Variants in C12orf42 observed in about 807,000 individuals in gnomAD.
The protein encoded by C12orf42 is uncharacterized protein C12orf42.
C12orf42 carries 25 observed loss-of-function variants against 21.6 expected under a neutral mutation model. That is an observed-to-expected ratio of 1.16 (90% CI 0.84 to 1.62). The LOEUF (loss-of-function observed/expected upper bound fraction) is 1.62. Among genes scored for constraint, C12orf42 ranks in the 40% most tolerant of loss-of-function variants. The pLI is 0.00. For missense variants in C12orf42, 483 were observed against 459.3 expected (o/e 1.05, Z -0.47); for synonymous variants, 174 against 175.0 (o/e 0.99, Z 0.05).
intron 2 of C12orf42, among the ~76,000 whole-genome samples, chr12:103,434,876 G>A (rs1292094926): frequency 2.0e-5 from 3 of 152,358 alleles, no homozygotes; most frequent in Admixed American, 2.0e-4. Flanking sequence ...CAGCCGGGAA[G>A]CTCGAACTGG....
the C12orf42 span, chr12:103,162,758 A>G: frequency 2.6e-5 from 4 of 152,288 alleles, no homozygotes; most frequent in South Asian, 8.3e-4. Context: ...ATATTGAACC[A>G]CCATTCCAGA....
intron 1 of C12orf42, among the ~76,000 whole-genome samples, chr12:103,486,947 T>C (rs1198876357): frequency 2.6e-5 from 4 of 152,242 alleles, no homozygotes; most frequent in Admixed American, 6.5e-5. Context: ...TTTTTGTGTC[T>C]CTATCTCATT....
At chr12:103,182,727 T>C in the C12orf42 span, among the ~76,000 whole-genome samples, 6 of 152,234 alleles carry the variant, frequency 3.9e-5, no homozygotes, top group African/African-American at 1.4e-4. Flanking sequence ...AAAAACACTC[T>C]AGAGCTTTTA....
the C12orf42 span, among the ~76,000 whole-genome samples, chr12:103,205,541 T>C: frequency 2.6e-5 from 4 of 152,314 alleles, no homozygotes; most frequent in Non-Finnish European, 5.9e-5. Flanking sequence ...GTAGGGATTA[T>C]GGGAGCTACA....
chr12:103,364,272 A>T (rs7132491), intron 4 of C12orf42, among the ~76,000 whole-genome samples: 13,049 of 152,144 alleles, frequency 0.086, 573 homozygotes, highest in East Asian at 0.2. Context: ...AATCGATAGA[A>T]ATTTAAAAAT....
At chr12:103,209,644 G>A in the C12orf42 span, among the ~76,000 whole-genome samples, 1 of 152,158 alleles carries the variant, frequency 6.6e-6, no homozygotes, top group Non-Finnish European at 1.5e-5. Flanking sequence ...TCAAAGGAGA[G>A]GTCTCAAAGG....
chr12:103,416,334 T>A (rs2049330513), intron 2 of C12orf42, among the ~76,000 whole-genome samples: 1 of 151,912 alleles, frequency 6.6e-6, no homozygotes. Context: ...GTTTAGTGCA[T>A]TATAGGGAAT....
chr12:103,507,629 T>TAAA, the C12orf42 span, among the ~76,000 whole-genome samples: 1 of 150,326 alleles, frequency 6.7e-6, no homozygotes, highest in African/African-American at 2.5e-5. Flanking sequence ...CAGTGAGCTA[T>TAAA]AATTGCACTA....
chr12:103,182,783 A>G, the C12orf42 span, among the ~76,000 whole-genome samples: 1 of 152,264 alleles, frequency 6.6e-6, no homozygotes, highest in Non-Finnish European at 1.5e-5. Flanking sequence ...GTTGTTTCTT[A>G]CTGCTGATAT....
chr12:103,366,117 C>T (rs531429899), intron 4 of C12orf42, among the ~76,000 whole-genome samples: 1 of 152,090 alleles, frequency 6.6e-6, no homozygotes, highest in African/African-American at 2.4e-5. Flanking sequence ...AAAATATGCA[C>T]ATAGACCAAT....
At chr12:103,231,519 G>A in the C12orf42 span, among the ~76,000 whole-genome samples, 3 of 152,134 alleles carry the variant, frequency 2.0e-5, no homozygotes, top group East Asian at 1.9e-4. Flanking sequence ...AAACTTCATA[G>A]TTTTCACTTT....
intron 2 of C12orf42, among the ~76,000 whole-genome samples, chr12:103,469,310 T>C (rs968243801): frequency 1.3e-5 from 2 of 152,252 alleles, no homozygotes; most frequent in African/African-American, 4.8e-5. Context: ...ATCAATATCA[T>C]TCATTTTCTT....
chr12:103,562,803 C>T, the C12orf42 span, among the ~76,000 whole-genome samples: 1 of 152,338 alleles, frequency 6.6e-6, no homozygotes, highest in South Asian at 2.1e-4. Context: ...ACTTTTCAGA[C>T]TCCCTTCCAC....
the C12orf42 span, among the ~76,000 whole-genome samples, chr12:103,180,045 G>A: frequency 1.3e-5 from 2 of 151,940 alleles, no homozygotes; most frequent in African/African-American, 2.4e-5. Context: ...GTGGGACAGA[G>A]TTTAGGAGGC....
chr12:103,498,966 C>A (rs1955647377), upstream of C12orf42, among the ~76,000 whole-genome samples: 1 of 151,802 alleles, frequency 6.6e-6, no homozygotes, highest in African/African-American at 2.4e-5. Context: ...CAGCAAACCA[C>A]CATGGCACAC....
At chr12:103,538,901 G>A in the C12orf42 span, among the ~76,000 whole-genome samples, 1 of 152,122 alleles carries the variant, frequency 6.6e-6, no homozygotes, top group Admixed American at 6.5e-5. Flanking sequence ...TGAGGACATT[G>A]AGATAATGGA....
chr12:103,459,362 T>A (rs528592916), intron 2 of C12orf42, among the ~76,000 whole-genome samples: 1 of 152,316 alleles, frequency 6.6e-6, no homozygotes, highest in South Asian at 2.1e-4. Flanking sequence ...TAGGACATGT[T>A]TAGATCATGG....
chr12:103,190,533 C>A, the C12orf42 span, among the ~76,000 whole-genome samples: 1 of 152,020 alleles, frequency 6.6e-6, no homozygotes, highest in African/African-American at 2.4e-5. Context: ...TCCAAGCCTA[C>A]AAAGAATGCT....
At chr12:103,247,096 T>C (rs2034047055) in intron 10 of C12orf42, among the ~76,000 whole-genome samples, 1 of 151,918 alleles carries the variant, frequency 6.6e-6, no homozygotes, top group Non-Finnish European at 1.5e-5. Flanking sequence ...ATAAAATCAG[T>C]ATTTGATAAG....
Sources: gnomAD v4.1 joint callset for allele counts (sites outside exome capture counted in the v4.1 genomes callset) on GRCh38, gnomAD v4.1.1 for gene constraint, MANE v1.5 for transcripts, NCBI Gene and HGNC (gene_info 2026-07-23, HGNC 2026-07-21) for gene names.